Variants in BRI3BP observed in about 807,000 individuals in gnomAD.
BRI3BP encodes BRI3-binding protein.
A neutral mutation model predicts 15.8 loss-of-function variants in BRI3BP; 7 were observed. The ratio of observed to expected loss-of-function variants is 0.44; its 90% CI spans 0.25 to 0.83. The LOEUF (loss-of-function observed/expected upper bound fraction) is 0.83. Among genes scored for constraint, BRI3BP ranks in the 40% least tolerant of loss-of-function variants. BRI3BP has a pLI of 0.20. For missense variants in BRI3BP, 320 were observed against 339.3 expected (o/e 0.94, Z 0.45); for synonymous variants, 192 against 163.5 (o/e 1.17, Z -1.33).
chr12:125,003,410 C>T (rs973618193), intron 1 of BRI3BP, among the ~76,000 whole-genome samples: 3 of 152,142 alleles, frequency 2.0e-5, no homozygotes, highest in Non-Finnish European at 2.9e-5. Context: ...AGTTTGCTCA[C>T]CTGGTCCCCT....
intron 2 of BRI3BP, among the ~76,000 whole-genome samples, chr12:125,023,988 T>G (rs1955323359): frequency 6.6e-6 from 1 of 152,180 alleles, no homozygotes; most frequent in Admixed American, 6.5e-5. Context: ...GGAGAATTGC[T>G]TGAACCTGGG....
chr12:125,047,120 T>G, the BRI3BP span, among the ~76,000 whole-genome samples: 2 of 152,192 alleles, frequency 1.3e-5, no homozygotes, highest in Non-Finnish European at 2.9e-5. Context: ...AACAGGGATT[T>G]ATAGCGTAAC....
chr12:124,999,321 G>T (rs537655520), intron 1 of BRI3BP, among the ~76,000 whole-genome samples: 2 of 152,076 alleles, frequency 1.3e-5, no homozygotes, highest in Admixed American at 1.3e-4. Flanking sequence ...CCCCTTCCCC[G>T]AAGCAGCCAG....
At chr12:124,999,183 G>A (rs1955062931) in intron 1 of BRI3BP, among the ~76,000 whole-genome samples, 1 of 152,160 alleles carries the variant, frequency 6.6e-6, no homozygotes, top group African/African-American at 2.4e-5. Context: ...GAAACATCCT[G>A]AATGCCAGGT....
chr12:125,033,073 C>A (rs564954551), downstream of BRI3BP, among the ~76,000 whole-genome samples: 15 of 152,252 alleles, frequency 9.9e-5, no homozygotes, highest in East Asian at 2.7e-3. Context: ...CCCCTTTGCA[C>A]CTATGAAGGA....
chr12:125,017,389 C>T (rs1955257281), intron 2 of BRI3BP, among the ~76,000 whole-genome samples: 1 of 151,238 alleles, frequency 6.6e-6, no homozygotes, highest in African/African-American at 2.4e-5. Context: ...TCCTGAGCTC[C>T]AGTGATCTGC....
intron 2 of BRI3BP, among the ~76,000 whole-genome samples, chr12:125,019,865 G>A (rs796141055): frequency 1.3e-5 from 2 of 149,810 alleles, no homozygotes; most frequent in African/African-American, 4.9e-5. Flanking sequence ...TGCTTTTTGT[G>A]AAAAATATTT....
At chr12:124,994,859 A>G (rs1235417914) in intron 1 of BRI3BP, among the ~76,000 whole-genome samples, 1 of 152,046 alleles carries the variant, frequency 6.6e-6, no homozygotes, top group Non-Finnish European at 1.5e-5. Context: ...GGAGTCAGAG[A>G]AGTTTGGGTT....
intron 1 of BRI3BP, among the ~76,000 whole-genome samples, chr12:125,006,402 C>G (rs1277213355): frequency 6.6e-6 from 1 of 152,196 alleles, no homozygotes; most frequent in Non-Finnish European, 1.5e-5. Flanking sequence ...CTGCCCGGGG[C>G]CAGTTTTCAG....
rs555409042 is a variant in BRI3BP, at chr12:125,029,303, C to T, written c.*3873C>T. ...CCAAGGCGGGTGGATCACTTGCGGT[C>T]GGGAGTTCGAGACCAGCCTGGCCAA... On this transcript the variant is annotated 3_prime_UTR_variant, in exon 3 of 3. Coordinates refer to ENST00000341446, the MANE Select transcript of BRI3BP (RefSeq NM_080626.6). 7.1e-6 allele frequency: 1 copy of T among 140,440 alleles called. No individual in the cohort carries two copies. Among genetic ancestry groups the T allele is most frequent in the Admixed American group, 8.0e-5 (1 of 12,428 alleles). The allele number at this position is 140,440 out of a possible 1,614,324, so 8.7% of individuals were successfully genotyped here.
chr12:124,997,074 T>C (rs1955046649), intron 1 of BRI3BP, among the ~76,000 whole-genome samples: 1 of 151,782 alleles, frequency 6.6e-6, no homozygotes, highest in African/African-American at 2.4e-5. Flanking sequence ...TATTCTAATC[T>C]AGGACTTGTC....
chr12:125,000,988 C>T (rs1187055804), intron 1 of BRI3BP, among the ~76,000 whole-genome samples: 1 of 152,208 alleles, frequency 6.6e-6, no homozygotes, highest in Non-Finnish European at 1.5e-5. Context: ...ATTTAGTGTT[C>T]ATGTCTCTAG....
At chr12:125,035,336 G>A (rs780288893), downstream of BRI3BP, among the ~76,000 whole-genome samples, 12 of 151,692 alleles carry the variant, frequency 7.9e-5, no homozygotes, top group Admixed American at 2.0e-4. Flanking sequence ...TAGCCTCACC[G>A]ACAGTTGGTA....
At chr12:125,033,086 A>G, downstream of BRI3BP, among the ~76,000 whole-genome samples, 1 of 152,192 alleles carries the variant, frequency 6.6e-6, no homozygotes, top group East Asian at 1.9e-4. Context: ...ATGAAGGAAA[A>G]ATAGAATCTC....
chr12:125,009,516 C>T lies in BRI3BP; in HGVS notation c.214-3018C>T, dbSNP rs543504275. On this transcript the variant is annotated intron_variant, in intron 1 of 2. Transcript: ENST00000341446. ...TGTTGGCCAGGCTGGTCTTGAACTC[C>T]TGGCCTCAGGTGATCTACTCGCCTC... Among the ~76,000 whole-genome samples, 322 of 152,210 alleles carry T rather than the reference C, an allele frequency of 2.1e-3. 2 individuals carry two copies. The highest frequency in any genetic ancestry group is 7.5e-3 in the African/African-American group (311 of 41,546).
At position 125,027,800 on chromosome 12, in the gene BRI3BP, A is replaced by G. The variant is rs7309091; in HGVS notation, c.*2370A>G. ...CCTCCTGGGTTCACGCCATTCTCCTACCTCAGCCTCCCAAGTAGCCGGGAC... is the reference window on the plus strand; with the variant it reads ...CCTCCTGGGTTCACGCCATTCTCCTGCCTCAGCCTCCCAAGTAGCCGGGAC... On this transcript the variant is annotated 3_prime_UTR_variant, in exon 3 of 3. Transcript: ENST00000341446. 0.11 allele frequency: 15,950 copies of G among 150,870 alleles called. 1,712 individuals carry two copies. Among genetic ancestry groups the G allele is most frequent in the African/African-American group, 0.27 (11,251 of 41,130 alleles). The allele number at this position is 150,870 out of a possible 1,614,324, so 9.3% of individuals were successfully genotyped here. A position where few individuals can be genotyped will look rare whatever the true frequency, so the allele number is the denominator to read the frequency against.
chr12:125,000,375 G>T (rs1233025420), intron 1 of BRI3BP, among the ~76,000 whole-genome samples: 1 of 144,982 alleles, frequency 6.9e-6, no homozygotes, highest in Non-Finnish European at 1.5e-5. Context: ...GTGCAGTGGC[G>T]CAATCTCGGC....
chr12:125,030,110 C>T lies in BRI3BP; in HGVS notation c.*4680C>T, dbSNP rs984855091. On this transcript the variant is annotated 3_prime_UTR_variant, in exon 3 of 3. Transcript: ENST00000341446. ...TGCTAGTGGAAATCCTGAATTGCTT[C>T]CTTTCTGTGATCACTGCTACTTCTT... 5.3e-5 allele frequency: 8 copies of T among 152,324 alleles called. No homozygotes were observed. Among genetic ancestry groups the T allele is most frequent in the African/African-American group, 1.9e-4 (8 of 41,562 alleles). 9.4% of individuals were successfully genotyped at this position (152,324 alleles called of 1,614,324 possible). A position where few individuals can be genotyped will look rare whatever the true frequency, so the allele number is the denominator to read the frequency against.
chr12:125,039,726 T>G, the BRI3BP span, among the ~76,000 whole-genome samples: 2 of 152,156 alleles, frequency 1.3e-5, no homozygotes, highest in South Asian at 4.1e-4. Context: ...ATTCATCTTT[T>G]CACTCATTCA....
Sources: allele counts gnomAD v4.1 joint callset (sites outside exome capture counted in the v4.1 genomes callset), GRCh38; gene constraint gnomAD v4.1.1; transcripts MANE v1.5; gene names NCBI Gene and HGNC (gene_info 2026-07-23, HGNC 2026-07-21).